POU2F1: variants seen among roughly 807,000 people sequenced by gnomAD.
POU2F1 encodes the protein POU domain, class 2, transcription factor 1.
A neutral mutation model predicts 84.9 loss-of-function variants in POU2F1; 16 were observed. That is an observed-to-expected ratio of 0.19 (90% CI 0.13 to 0.29). POU2F1 has a LOEUF of 0.29. Ranked by LOEUF, POU2F1 falls within the 10% of genes least tolerant of loss-of-function variation. The pLI, the probability that POU2F1 is intolerant of heterozygous loss-of-function variation, is 1.00. For missense variants in POU2F1, 738 were observed against 942.6 expected, an observed-to-expected ratio of 0.78 and a Z score of 2.84; for synonymous variants, 368 against 368.3, an observed-to-expected ratio of 1.00 and a Z score of 0.01.
At chr1:167,250,158 A>G (rs1207138126) in intron 1 of POU2F1, among the ~76,000 whole-genome samples, 1 of 152,112 alleles carries the variant, frequency 6.6e-6, no homozygotes, top group African/African-American at 2.4e-5. Context: ...CATTCTGGAC[A>G]ATCTGTTCTG....
At chr1:167,337,348 A>T (rs1442224040) in intron 2 of POU2F1, among the ~76,000 whole-genome samples, 1 of 151,922 alleles carries the variant, frequency 6.6e-6, no homozygotes, top group African/African-American at 2.4e-5. Context: ...GAAAAAAGAG[A>T]ATGCAGCTTT....
intron 2 of POU2F1, among the ~76,000 whole-genome samples, chr1:167,337,163 C>CA (rs36068958): frequency 0.022 from 2,090 of 93,518 alleles, 45 homozygotes; most frequent in East Asian, 0.071. Flanking sequence ...AACTCCATCT[C>CA]AAAAGAAAAA....
At chr1:167,271,274 CAAT>C (rs1652351202) in intron 1 of POU2F1, among the ~76,000 whole-genome samples, 1 of 152,080 alleles carries the variant, frequency 6.6e-6, no homozygotes, top group Admixed American at 6.5e-5. Flanking sequence ...CCATTTAAAA[CAAT>C]AAACTGAAAC....
At position 167,416,369 on chromosome 1, in the gene POU2F1, G is replaced by GTATTACTGTAT. The variant is rs1650323080; in HGVS notation, c.*565_*575dup. 4.9e-6 allele frequency: 1 copy of GTATTACTGTAT among 202,274 alleles called. No individual in the cohort carries two copies. The highest frequency in any genetic ancestry group is 1.0e-5 in the Non-Finnish European group (1 of 99,730). 12.5% of individuals were successfully genotyped at this position (202,274 alleles called of 1,614,324 possible). A position where few individuals can be genotyped will look rare whatever the true frequency, so the allele number is the denominator to read the frequency against. ...TAACTGGTACAATTTAGGCAGGCCT[G>GTATTACTGTAT]TATTACTGTATTATTATTGTTGTTG... On this transcript the variant is annotated 3_prime_UTR_variant, in exon 16 of 16. Coordinates refer to ENST00000367866, the MANE Select transcript of POU2F1 (RefSeq NM_002697.4).
chr1:167,258,195 T>G (rs770621420), intron 1 of POU2F1, among the ~76,000 whole-genome samples: 22 of 152,140 alleles, frequency 1.4e-4, no homozygotes, highest in Non-Finnish European at 3.1e-4. Context: ...TGCTCTTACC[T>G]CTAGTTATAT....
At chr1:167,401,381 C>A in intron 12 of POU2F1, 70 bp from the exon 13 acceptor site, 3 of 1,066,088 alleles carry the variant, frequency 2.8e-6, no homozygotes, top group Non-Finnish European at 4.1e-6. Context: ...CAAAGAAAGA[C>A]TGTAAAATCA....
At chr1:167,359,733 T>G (rs2101813863) in intron 2 of POU2F1, among the ~76,000 whole-genome samples, 1 of 152,300 alleles carries the variant, frequency 6.6e-6, no homozygotes, top group East Asian at 1.9e-4. Context: ...TAATTCTGTT[T>G]TTAGTTCTTT....
At chr1:167,405,176 GC>G (rs1268042785) in intron 13 of POU2F1, among the ~76,000 whole-genome samples, 1 of 152,002 alleles carries the variant, frequency 6.6e-6, no homozygotes, top group African/African-American at 2.4e-5. Flanking sequence ...AACCAAACAT[GC>G]CCCGCCCCCA....
intron 1 of POU2F1, among the ~76,000 whole-genome samples, chr1:167,229,820 G>GAC (rs1046939394): frequency 3.3e-5 from 5 of 152,184 alleles, no homozygotes; most frequent in African/African-American, 9.7e-5. Flanking sequence ...AGGAGGAATG[G>GAC]ACACTCCTAA....
intron 1 of POU2F1, among the ~76,000 whole-genome samples, chr1:167,301,767 G>C (rs1020417182): frequency 2.0e-5 from 3 of 152,166 alleles, no homozygotes; most frequent in African/African-American, 7.2e-5. Flanking sequence ...AATTTGTTTT[G>C]TGTATTCATT....
chr1:167,309,175 G>T (rs1312225813), intron 1 of POU2F1, among the ~76,000 whole-genome samples: 1 of 151,436 alleles, frequency 6.6e-6, no homozygotes, highest in African/African-American at 2.4e-5. Context: ...TCAAGATGTG[G>T]GTGCCAAGTA....
chr1:167,411,726 TTC>T (rs1414089947), intron 13 of POU2F1, among the ~76,000 whole-genome samples: 2 of 152,222 alleles, frequency 1.3e-5, no homozygotes, highest in Non-Finnish European at 2.9e-5. Flanking sequence ...AATGGAAAAC[TTC>T]TCTGTTTCTT....
At chr1:167,315,331 G>A (rs1340209276) in intron 1 of POU2F1, among the ~76,000 whole-genome samples, 13 of 152,118 alleles carry the variant, frequency 8.5e-5, no homozygotes, top group Non-Finnish European at 1.6e-4. Flanking sequence ...TATGAGTCCT[G>A]TATCAGAAAT....
chr1:167,350,981 A>G (rs1465059124), intron 2 of POU2F1, among the ~76,000 whole-genome samples: 1 of 151,896 alleles, frequency 6.6e-6, no homozygotes, highest in Non-Finnish European at 1.5e-5. Context: ...CTGGGCAACA[A>G]AAGCGAAACT....
intron 1 of POU2F1, among the ~76,000 whole-genome samples, chr1:167,297,515 A>G (rs893879527): frequency 6.6e-6 from 1 of 152,210 alleles, no homozygotes; most frequent in East Asian, 1.9e-4. Flanking sequence ...AGTATTCTCT[A>G]TTAAAAGTAA....
chr1:167,267,794 A>G lies in POU2F1; in HGVS notation c.61+46836A>G, dbSNP rs1652083768. ...GTAGCTGGGACTACAGGTGCCTGCC[A>G]CCAGGCCTGGCTAATTTTTGGTATT... On this transcript the variant is annotated intron_variant, in intron 1 of 15. Transcript: ENST00000367866. Among the ~76,000 whole-genome samples, 3 of 151,826 alleles carry G rather than the reference A, an allele frequency of 2.0e-5. No homozygotes were observed. The South Asian group carries it at 6.2e-4, about 32-fold the overall frequency.
intron 2 of POU2F1, among the ~76,000 whole-genome samples, chr1:167,359,855 T>G (rs1264948502): frequency 6.6e-5 from 10 of 151,798 alleles, no homozygotes; most frequent in Non-Finnish European, 1.0e-4. Flanking sequence ...GGTTTGTTTT[T>G]TTTTTTTTTA....
At chr1:167,234,486 CT>C (rs1183785894) in intron 1 of POU2F1, among the ~76,000 whole-genome samples, 1 of 152,126 alleles carries the variant, frequency 6.6e-6, no homozygotes, top group African/African-American at 2.4e-5. Context: ...AATCCCAGCA[CT>C]TTGGGAGGCT....
At position 167,422,739 on chromosome 1, in the gene POU2F1, G is replaced by C. The variant is rs1338384378; in HGVS notation, c.*6929G>C. 1 of 152,140 alleles carries C rather than the reference G, an allele frequency of 6.6e-6. No homozygotes were observed. The highest frequency in any genetic ancestry group is 1.5e-5 in the Non-Finnish European group (1 of 68,026). The allele number at this position is 152,140 out of a possible 1,614,324, so 9.4% of individuals were successfully genotyped here. ...TCCCACAGAACTTAAGTGGGATTTG[G>C]TTTAGATACCAAAGACACTGCTAAT... is the stretch of plus-strand genomic sequence containing the variant. On this transcript the variant is annotated 3_prime_UTR_variant, in exon 16 of 16. Coordinates refer to ENST00000367866, the MANE Select transcript of POU2F1 (RefSeq NM_002697.4).
Sources: allele counts gnomAD v4.1 joint callset (sites outside exome capture counted in the v4.1 genomes callset), GRCh38; gene constraint gnomAD v4.1.1; transcripts MANE v1.5; gene names NCBI Gene and HGNC (gene_info 2026-07-23, HGNC 2026-07-21).